MEGF11: variants seen among roughly 807,000 people sequenced by gnomAD.
The protein encoded by MEGF11 is multiple epidermal growth factor-like domains protein 11.
A neutral mutation model predicts 146.6 loss-of-function variants in MEGF11; 126 were observed. The ratio of observed to expected loss-of-function variants is 0.86; its 90% CI spans 0.74 to 1.00. The LOEUF (loss-of-function observed/expected upper bound fraction) is 1.00. Among genes scored for constraint, MEGF11 ranks in the 50% least tolerant of loss-of-function variants. The pLI, the probability that MEGF11 is intolerant of heterozygous loss-of-function variation, is 0.00. For missense variants in MEGF11, 1,509 were observed against 1,521.2 expected (o/e 0.99, Z 0.13); for synonymous variants, 532 against 583.4 (o/e 0.91, Z 1.27).
At chr15:66,021,909 A>G (rs2083149167) in intron 5 of MEGF11, among the ~76,000 whole-genome samples, 1 of 152,202 alleles carries the variant, frequency 6.6e-6, no homozygotes, top group African/African-American at 2.4e-5. Context: ...GTCTCTCCAG[A>G]GTCTGAGGAT....
chr15:66,219,645 A>G (rs2091681711), intron 1 of MEGF11, among the ~76,000 whole-genome samples: 1 of 151,992 alleles, frequency 6.6e-6, no homozygotes, highest in Non-Finnish European at 1.5e-5. Context: ...TCTGGAAAAC[A>G]TTTTGGCAGT....
chr15:66,007,240 T>G lies in MEGF11; in HGVS notation c.395-24752A>C, dbSNP rs375774034. 1.8e-4 allele frequency among the ~76,000 whole-genome samples: 28 copies of G among 152,362 alleles called. 2 individuals are homozygous for G. Among genetic ancestry groups the G allele is most frequent in the African/African-American group, 6.5e-4 (27 of 41,580 alleles). The stretch of plus-strand genomic sequence containing the variant: ...ACATGCATCACTAGCAGCATGAGGC[T>G]TATGCAATGTTTAGCCTTAAGCAAC... On this transcript the variant is annotated intron_variant, in intron 5 of 25. Coordinates refer to ENST00000395614, the MANE Select transcript of MEGF11 (RefSeq NM_001385028.1).
chr15:66,215,141 T>C (rs2091554453), intron 1 of MEGF11, among the ~76,000 whole-genome samples: 1 of 152,194 alleles, frequency 6.6e-6, no homozygotes, highest in African/African-American at 2.4e-5. Context: ...CAAAGCTTAA[T>C]CTGAGTTCTA....
chr15:66,128,301 C>A lies in MEGF11; in HGVS notation c.98+5G>T. On this transcript the variant is annotated splice_donor_5th_base_variant and intron_variant, in intron 2 of 25. Coordinates refer to ENST00000395614, the MANE Select transcript of MEGF11 (RefSeq NM_001385028.1). ...GTGCCTGGCCATCTGAGGCCCACAC[C>A]TTACCTCTCCCAGTGGCTGCACACG... 1.3e-6 allele frequency: 2 copies of A among 1,495,520 alleles called. No homozygotes were observed. The highest frequency in any genetic ancestry group is 8.9e-7 in the Non-Finnish European group (1 of 1,120,500). The allele number at this position is 1,495,520 out of a possible 1,614,324, so 92.6% of individuals were successfully genotyped here.
chr15:66,010,491 CA>C (rs2082677806), intron 5 of MEGF11, among the ~76,000 whole-genome samples: 1 of 152,146 alleles, frequency 6.6e-6, no homozygotes, highest in Admixed American at 6.5e-5. Flanking sequence ...CCGCACCCAG[CA>C]AAATCTCATA....
chr15:66,003,307 A>G (rs1272172183), intron 5 of MEGF11, among the ~76,000 whole-genome samples: 1 of 152,138 alleles, frequency 6.6e-6, no homozygotes, highest in Non-Finnish European at 1.5e-5. Context: ...GGCTGTTTCT[A>G]TCAGAGCATC....
intron 1 of MEGF11, among the ~76,000 whole-genome samples, chr15:66,201,886 G>A (rs1458230797): frequency 1.4e-5 from 2 of 139,614 alleles, no homozygotes; most frequent in Non-Finnish European, 1.5e-5. Flanking sequence ...GGCGGAGGCT[G>A]TAGTTAGCCA....
At chr15:66,126,000 G>A (rs899086) in intron 2 of MEGF11, among the ~76,000 whole-genome samples, 106,668 of 152,102 alleles carry the variant, frequency 0.7, 37,469 homozygotes, top group South Asian at 0.82. Context: ...GACCCGAAGT[G>A]TGTACCCCTG....
intron 5 of MEGF11, among the ~76,000 whole-genome samples, chr15:66,039,433 A>G (rs1032856886): frequency 1.3e-5 from 2 of 152,202 alleles, no homozygotes; most frequent in African/African-American, 4.8e-5. Flanking sequence ...AAGAGAGTGG[A>G]TATGTGCATT....
intron 5 of MEGF11, among the ~76,000 whole-genome samples, chr15:66,087,979 C>T (rs964973661): frequency 2.0e-5 from 3 of 152,102 alleles, no homozygotes; most frequent in East Asian, 1.9e-4. Context: ...CACAAAGAAA[C>T]GCAACAGGAG....
At position 65,970,591 on chromosome 15, in the gene MEGF11, A is replaced by G. The variant is rs1477158316; in HGVS notation, c.861T>C (p.Thr287=). 9.9e-6 allele frequency: 16 copies of G among 1,613,908 alleles called. No homozygotes were observed. Among genetic ancestry groups the G allele is most frequent in the Non-Finnish European group, 1.3e-5 (15 of 1,179,876 alleles). Residue 287 remains threonine (T), a synonymous_variant, in exon 8 of 26, where the codon ACT becomes ACC. Coordinates refer to ENST00000395614, the MANE Select transcript of MEGF11 (RefSeq NM_001385028.1). ...CHHGGQCDHV[T]GQCHCTAGYM... ...ATCCAGCTGTACAGTGGCACTGTCC[A>G]GTCACGTGGTCACACTGCCCTCCAT...
intron 4 of MEGF11, among the ~76,000 whole-genome samples, chr15:66,101,438 T>C (rs1664089288): frequency 1.3e-5 from 2 of 152,140 alleles, no homozygotes; most frequent in Admixed American, 6.5e-5. Flanking sequence ...GGATGTCACT[T>C]CCTCCAGGAA....
chr15:66,177,184 G>T (rs2090408576), intron 1 of MEGF11, among the ~76,000 whole-genome samples: 2 of 152,114 alleles, frequency 1.3e-5, no homozygotes, highest in African/African-American at 4.8e-5. Flanking sequence ...ATATATGGCT[G>T]GGAAAATCCC....
intron 1 of MEGF11, among the ~76,000 whole-genome samples, chr15:66,174,964 A>C (rs1212116311): frequency 1.3e-5 from 2 of 152,330 alleles, no homozygotes; most frequent in South Asian, 4.2e-4. Flanking sequence ...TAGCAATTGT[A>C]AATGAGATTG....
At chr15:65,976,504 G>GA (rs1328336765) in intron 7 of MEGF11, among the ~76,000 whole-genome samples, 1 of 152,180 alleles carries the variant, frequency 6.6e-6, no homozygotes, top group African/African-American at 2.4e-5. Context: ...GACAGACCCA[G>GA]AAAAAAGACG....
intron 4 of MEGF11, among the ~76,000 whole-genome samples, chr15:66,118,111 T>A (rs2087822800): frequency 6.6e-6 from 1 of 152,142 alleles, no homozygotes; most frequent in Admixed American, 6.5e-5. Flanking sequence ...GCAGAAGCTT[T>A]GGGGGTGGAA....
At chr15:65,972,735 T>G (rs977142488) in intron 7 of MEGF11, among the ~76,000 whole-genome samples, 1 of 152,178 alleles carries the variant, frequency 6.6e-6, no homozygotes, top group Admixed American at 6.5e-5. Flanking sequence ...GGGGACTCAG[T>G]AAAGACATTT....
chr15:66,220,533 T>G (rs1357565631), intron 1 of MEGF11, among the ~76,000 whole-genome samples: 3 of 150,114 alleles, frequency 2.0e-5, no homozygotes, highest in South Asian at 4.2e-4. Flanking sequence ...TGGGTTTTTT[T>G]TTTTTTTTTT....
intron 1 of MEGF11, among the ~76,000 whole-genome samples, chr15:66,131,844 T>C (rs2088658489): frequency 6.6e-6 from 1 of 152,202 alleles, no homozygotes; most frequent in Non-Finnish European, 1.5e-5. Context: ...CCCATGGAAC[T>C]CTTCCCAGTG....
Sources: allele counts gnomAD v4.1 joint callset (sites outside exome capture counted in the v4.1 genomes callset), GRCh38; gene constraint gnomAD v4.1.1; transcripts MANE v1.5; gene names NCBI Gene and HGNC (gene_info 2026-07-23, HGNC 2026-07-21).